The following PLXDC2 variants were observed in gnomAD, a reference collection of about 807,000 sequenced individuals.
The protein encoded by PLXDC2 is plexin domain-containing protein 2.
A neutral mutation model predicts 68.9 loss-of-function variants in PLXDC2; 40 were observed. That is an observed-to-expected ratio of 0.58 (90% confidence interval 0.45 to 0.76). The LOEUF is 0.76. Ranked by LOEUF, PLXDC2 falls within the 30% of genes least tolerant of loss-of-function variation. The probability of loss-of-function intolerance (pLI) is 0.00; values close to 1 mark genes in which losing one functional copy is unlikely to be tolerated. For synonymous variants in PLXDC2, 243 were observed against 234.2 expected (o/e 1.04, Z -0.34); for missense variants, 644 against 661.9 (o/e 0.97, Z 0.30).
chr10:20,126,878 A>T (rs1428106548), intron 4 of PLXDC2, among the ~76,000 whole-genome samples: 1 of 147,802 alleles, frequency 6.8e-6, no homozygotes, highest in East Asian at 1.9e-4. Flanking sequence ...TATATAATAT[A>T]TGATATATAC....
intron 1 of PLXDC2, among the ~76,000 whole-genome samples, chr10:19,937,544 G>GTATATATATATATATATATATATA (rs71388881): frequency 4.2e-5 from 4 of 95,968 alleles, no homozygotes; most frequent in Non-Finnish European, 6.1e-5. Flanking sequence ...TATAGTCAAT[G>GTATATATATATATATATATATATA]TATATATATA....
intron 1 of PLXDC2, among the ~76,000 whole-genome samples, chr10:19,954,721 A>T (rs1341820415): frequency 6.6e-6 from 1 of 152,218 alleles, no homozygotes; most frequent in Non-Finnish European, 1.5e-5. Context: ...CATATAGAGA[A>T]CAAATAGGCA....
chr10:20,230,545 A>G (rs1456331920), intron 12 of PLXDC2, among the ~76,000 whole-genome samples: 1 of 151,438 alleles, frequency 6.6e-6, no homozygotes, highest in East Asian at 1.9e-4. Flanking sequence ...GGTGGCGTGC[A>G]CTTGTAGTCC....
chr10:20,192,286 G>A (rs1411836559), intron 9 of PLXDC2, among the ~76,000 whole-genome samples: 1 of 151,992 alleles, frequency 6.6e-6, no homozygotes, highest in South Asian at 2.1e-4. Context: ...TCAGGAAAGG[G>A]GAAGAAGCCC....
intron 1 of PLXDC2, among the ~76,000 whole-genome samples, chr10:19,962,336 T>G (rs1264118577): frequency 1.4e-4 from 1 of 7,268 alleles, no homozygotes; most frequent in Admixed American, 9.0e-4. Flanking sequence ...AAGGAGGTTC[T>G]TTTTTTTTTT....
intron 5 of PLXDC2, among the ~76,000 whole-genome samples, chr10:20,147,496 A>G (rs1350272980): frequency 6.6e-6 from 1 of 152,202 alleles, no homozygotes; most frequent in Non-Finnish European, 1.5e-5. Flanking sequence ...GACAGTATCT[A>G]TTAACATTAA....
chr10:20,155,726 A>T (rs564722654), intron 6 of PLXDC2, among the ~76,000 whole-genome samples: 1 of 152,186 alleles, frequency 6.6e-6, no homozygotes, highest in African/African-American at 2.4e-5. Context: ...TGACATTTTA[A>T]TTTTTTGTTT....
intron 1 of PLXDC2, among the ~76,000 whole-genome samples, chr10:19,948,270 C>G (rs567526175): frequency 1.3e-5 from 2 of 152,128 alleles, no homozygotes; most frequent in African/African-American, 4.8e-5. Flanking sequence ...TTCCTATTGC[C>G]TAGTTCTCTA....
At chr10:20,268,077 T>C (rs1301420695) in intron 13 of PLXDC2, among the ~76,000 whole-genome samples, 1 of 152,172 alleles carries the variant, frequency 6.6e-6, no homozygotes, top group African/African-American at 2.4e-5. Flanking sequence ...TATAACATTG[T>C]ATGACAATAT....
In PLXDC2 at chr10:19,964,275, A is replaced by T. The variant is rs530124399; in HGVS notation, c.113-37500A>T. ...GGCTCCAACTTACCCTTAGAGGCTT[A>T]CAACTTTATCTTTTGTCGGTTGGTT... On this transcript the variant is annotated intron_variant, in intron 1 of 13. Coordinates refer to ENST00000377252, the MANE Select transcript of PLXDC2 (RefSeq NM_032812.9). 2.6e-5 allele frequency among the ~76,000 whole-genome samples: 4 copies of T among 152,306 alleles called. No homozygotes were observed. In the South Asian group the frequency reaches 8.3e-4, roughly 32 times the overall value.
At chr10:20,064,689 A>T (rs1373835676) in intron 3 of PLXDC2, among the ~76,000 whole-genome samples, 1 of 152,110 alleles carries the variant, frequency 6.6e-6, no homozygotes, top group African/African-American at 2.4e-5. Flanking sequence ...CATAATCTCA[A>T]TTGGTGACCT....
Position 20,217,506 on chromosome 10 carries a change from C to T in PLXDC2, c.1203C>T (p.Thr401=). 6.2e-7 allele frequency: 1 copy of T among 1,612,866 alleles called. No homozygotes were observed. Residue 401 remains threonine, a synonymous_variant, in exon 11 of 14, where the codon ACC becomes ACT. Transcript: ENST00000377252. ...CCACAACCGTAGGAGCGACAACCACCCAGTTCAGGGTCCTAACTACCACCA... is the reference window on the plus strand; with the variant it reads ...CCACAACCGTAGGAGCGACAACCACTCAGTTCAGGGTCCTAACTACCACCA... The part of the protein sequence containing the change: ...RTTTTVGATT[T]QFRVLTTTRR...
At chr10:19,926,096 A>G (rs1589539484) in intron 1 of PLXDC2, among the ~76,000 whole-genome samples, 1 of 152,354 alleles carries the variant, frequency 6.6e-6, no homozygotes. Flanking sequence ...TGGAGAGTAA[A>G]AGAGGTGACA....
intron 2 of PLXDC2, among the ~76,000 whole-genome samples, chr10:20,006,815 T>C (rs539136892): frequency 1.3e-5 from 2 of 152,354 alleles, no homozygotes; most frequent in Non-Finnish European, 2.9e-5. Context: ...CCCATGAGCA[T>C]ATAAAATCTC....
intron 1 of PLXDC2, among the ~76,000 whole-genome samples, chr10:19,882,961 C>CTTTT (rs759825985): frequency 6.2e-5 from 8 of 128,340 alleles, no homozygotes; most frequent in South Asian, 2.5e-4. Flanking sequence ...TCCTTTCTTT[C>CTTTT]TTTTTTTTTT....
At chr10:19,935,813 A>G (rs1833713830) in intron 1 of PLXDC2, among the ~76,000 whole-genome samples, 1 of 152,208 alleles carries the variant, frequency 6.6e-6, no homozygotes, top group African/African-American at 2.4e-5. Flanking sequence ...TGAAGTTATA[A>G]CCATGACAAC....
chr10:20,175,372 G>C (rs924421196), intron 7 of PLXDC2, among the ~76,000 whole-genome samples: 2 of 152,158 alleles, frequency 1.3e-5, no homozygotes, highest in African/African-American at 4.8e-5. Context: ...AGCCCAGACA[G>C]AATGTTCCAG....
At chr10:19,894,752 A>G (rs758847763) in intron 1 of PLXDC2, among the ~76,000 whole-genome samples, 1 of 152,210 alleles carries the variant, frequency 6.6e-6, no homozygotes, top group African/African-American at 2.4e-5. Context: ...GCCAGTTAGA[A>G]TGGAGATCAT....
At chr10:20,230,714 A>AAAC (rs35828987) in intron 12 of PLXDC2, among the ~76,000 whole-genome samples, 11 of 146,492 alleles carry the variant, frequency 7.5e-5, no homozygotes, top group Non-Finnish European at 1.7e-4. Flanking sequence ...AAAAAAAAAA[A>AAAC]CAGGAAAACA....
Sources: gnomAD v4.1 joint callset for allele counts (sites outside exome capture counted in the v4.1 genomes callset) on GRCh38, gnomAD v4.1.1 for gene constraint, MANE v1.5 for transcripts, NCBI Gene and HGNC (gene_info 2026-07-23, HGNC 2026-07-21) for gene names.